Variants in DAPK1 observed in about 807,000 individuals in gnomAD.
The protein encoded by DAPK1 is death-associated protein kinase 1.
Under a neutral mutation model 144.9 loss-of-function variants are expected in DAPK1, and 56 were observed. That is an observed-to-expected ratio of 0.39 (90% confidence interval 0.31 to 0.48). DAPK1 has a LOEUF of 0.48. DAPK1 is among the 20% of genes least tolerant of loss of function. The probability of loss-of-function intolerance (pLI) is 0.95; values close to 1 mark genes in which losing one functional copy is unlikely to be tolerated. For synonymous variants in DAPK1, 690 were observed against 749.0 expected, an observed-to-expected ratio of 0.92 and a Z score of 1.29; for missense variants, 1,454 against 1,875.4, an observed-to-expected ratio of 0.78 and a Z score of 4.15.
In DAPK1 at chr9:87,706,446, G is replaced by A; in HGVS notation, c.3375G>A (p.Val1125=). The A allele has an allele frequency of 6.2e-7, 1 of 1,613,640 alleles. No homozygotes were observed. The highest frequency in any genetic ancestry group is 8.5e-7 in the Non-Finnish European group (1 of 1,179,544). The change falls in exon 26 of 26, where the codon GTG becomes GTA. Residue 1125 remains valine, a synonymous_variant. Transcript: ENST00000408954. The surrounding 1 kb of genome is among the most constrained non-coding windows in gnomAD (Gnocchi z 9.0). The part of the protein sequence containing the change: ...SWADEEDEVM[V]YGGVRIVPVE... ...CTGATGAGGAGGACGAGGTGATGGT[G>A]TATGGTGGCGTGCGCATCGTGCCCG...
chr9:87,660,628 G>A (rs187563528), intron 18 of DAPK1, among the ~76,000 whole-genome samples: 5 of 151,810 alleles, frequency 3.3e-5, no homozygotes, highest in Admixed American at 6.6e-5. Context: ...TCCTCCACGC[G>A]CTTCCCTCCC....
chr9:87,625,070 G>T (rs1829442969), intron 3 of DAPK1, among the ~76,000 whole-genome samples: 1 of 152,222 alleles, frequency 6.6e-6, no homozygotes, highest in South Asian at 2.1e-4. Flanking sequence ...TTCAAATGGT[G>T]GAAGAATGAA....
chr9:87,682,846 G>A (rs897184103), intron 20 of DAPK1, among the ~76,000 whole-genome samples: 12 of 152,086 alleles, frequency 7.9e-5, no homozygotes, highest in Non-Finnish European at 1.5e-4. Context: ...CGCACAGGTG[G>A]CAAATCCCAG....
intron 2 of DAPK1, among the ~76,000 whole-genome samples, chr9:87,518,099 G>GGTTT (rs763027342): frequency 9.5e-5 from 12 of 126,044 alleles, no homozygotes; most frequent in African/African-American, 3.8e-4. Context: ...TGCCGTTTAT[G>GGTTT]TTGTTGTTTT....
At chr9:87,518,800 A>G (rs1285548691) in intron 2 of DAPK1, among the ~76,000 whole-genome samples, 1 of 152,118 alleles carries the variant, frequency 6.6e-6, no homozygotes, top group Non-Finnish European at 1.5e-5. Context: ...GTGCCTGAAG[A>G]GTCTGGCCCG....
At chr9:87,524,131 T>C (rs1011282869) in intron 2 of DAPK1, among the ~76,000 whole-genome samples, 15 of 152,316 alleles carry the variant, frequency 9.8e-5, no homozygotes, top group African/African-American at 2.6e-4. Context: ...TGTGCCCCGA[T>C]AGAGGTTCTT....
intron 2 of DAPK1, among the ~76,000 whole-genome samples, chr9:87,532,596 A>G (rs1415555286): frequency 6.6e-6 from 1 of 152,136 alleles, no homozygotes; most frequent in African/African-American, 2.4e-5. Context: ...TCTTATTTTG[A>G]TAGCATTTTT....
chr9:87,527,407 C>T (rs1380565320), intron 2 of DAPK1, among the ~76,000 whole-genome samples: 1 of 152,214 alleles, frequency 6.6e-6, no homozygotes, highest in Non-Finnish European at 1.5e-5. Flanking sequence ...AACAGCAACT[C>T]CATGCCACGG....
chr9:87,623,603 T>C (rs2119053627), intron 3 of DAPK1, among the ~76,000 whole-genome samples: 1 of 152,210 alleles, frequency 6.6e-6, no homozygotes, highest in East Asian at 1.9e-4. Context: ...TTAGGAGACA[T>C]TGGGGACCGG....
At chr9:87,658,951 C>T (rs533785531) in intron 18 of DAPK1, among the ~76,000 whole-genome samples, 2 of 152,322 alleles carry the variant, frequency 1.3e-5, no homozygotes, top group South Asian at 2.1e-4. Context: ...CCATGGCCCA[C>T]GGGCCATATC....
Position 87,707,495 on chromosome 9 carries a change from C to G in DAPK1, c.*131C>G, listed in dbSNP as rs1825684839. 1 of 639,216 alleles carries G rather than the reference C, an allele frequency of 1.6e-6. No individual in the cohort carries two copies. Among genetic ancestry groups the G allele is most frequent in the African/African-American group, 1.8e-5 (1 of 54,622 alleles). The allele number at this position is 639,216 out of a possible 1,614,324, so 39.6% of individuals were successfully genotyped here. A position where few individuals can be genotyped will look rare whatever the true frequency, so the allele number is the denominator to read the frequency against. On this transcript the variant is annotated 3_prime_UTR_variant, in exon 26 of 26. Transcript: ENST00000408954. The surrounding 1 kb of genome is among the most constrained non-coding windows in gnomAD (Gnocchi z 4.0). Reference sequence around the variant, plus strand: ...ACAGCCAGGGGGATGCCACTCCTCCCTCCGGCTTGACCTGTTTCTCTGCCG... The same window carrying G: ...ACAGCCAGGGGGATGCCACTCCTCCGTCCGGCTTGACCTGTTTCTCTGCCG...
intron 3 of DAPK1, among the ~76,000 whole-genome samples, chr9:87,610,094 C>T (rs576413883): frequency 6.6e-6 from 1 of 152,316 alleles, no homozygotes; most frequent in South Asian, 2.1e-4. Flanking sequence ...GTTGTCAAAT[C>T]CCAGTCCAGG....
rs563822691 is a variant in DAPK1 at position 87,531,495 on chromosome 9, G to T, written c.62+32356G>T. Among the ~76,000 whole-genome samples the T allele has an allele frequency of 3.3e-5, 5 of 152,264 alleles. No individual in the cohort carries two copies. In the South Asian group the frequency reaches 6.2e-4, roughly 19 times the overall value. On this transcript the variant is annotated intron_variant, in intron 2 of 25. Transcript: ENST00000408954. ...GTAGGTGGTGAAGGGAGAAGTTGGG[G>T]GTAAGAGGGCATTCACTGCACAGCA...
intron 11 of DAPK1, among the ~76,000 whole-genome samples, chr9:87,644,262 C>G (rs1330664358): frequency 6.6e-6 from 1 of 152,036 alleles, no homozygotes; most frequent in Non-Finnish European, 1.5e-5. Context: ...TCTTCAGATA[C>G]GAGTGGAAGT....
intron 3 of DAPK1, among the ~76,000 whole-genome samples, chr9:87,623,090 T>A (rs1044371488): frequency 9.2e-5 from 14 of 152,120 alleles, no homozygotes; most frequent in Admixed American, 6.5e-5. Flanking sequence ...CACTAGGACT[T>A]GAAAGCACAA....
At chr9:87,701,720 A>AT (rs59185381) in intron 24 of DAPK1, 2,658 of 244,994 alleles carry the variant, frequency 0.011, 37 homozygotes, top group African/African-American at 0.045. Flanking sequence ...CTCTGGGTGT[A>AT]TTTTTTTTTT....
chr9:87,528,523 T>C (rs912136762), intron 2 of DAPK1, among the ~76,000 whole-genome samples: 2 of 152,108 alleles, frequency 1.3e-5, no homozygotes, highest in African/African-American at 4.8e-5. Flanking sequence ...CGGCCTACCA[T>C]GCACCTTTTC....
Position 87,499,065 on chromosome 9 carries a change from G to A in DAPK1, c.-13G>A, listed in dbSNP as rs1277208152. 1.2e-6 allele frequency: 2 copies of A among 1,613,922 alleles called. No homozygotes were observed. Among genetic ancestry groups the A allele is most frequent in the Non-Finnish European group, 1.7e-6 (2 of 1,179,824 alleles). Reference sequence around the variant, plus strand: ...GAAGTGCCCTGGGCTTTGGTGAGGCGTGACAGTTTATCATGACCGTGTTCA... The same window carrying A: ...GAAGTGCCCTGGGCTTTGGTGAGGCATGACAGTTTATCATGACCGTGTTCA... On this transcript the variant is annotated 5_prime_UTR_variant, in exon 2 of 26. It adds an upstream start codon to the 5' untranslated region. Transcript: ENST00000408954.
intron 2 of DAPK1, among the ~76,000 whole-genome samples, chr9:87,560,176 A>G (rs77988310): frequency 9.5e-5 from 14 of 147,826 alleles, no homozygotes; most frequent in Non-Finnish European, 1.9e-4. Flanking sequence ...TTTTTTTTTT[A>G]GTAGAGACGG....
Sources: allele counts gnomAD v4.1 joint callset (sites outside exome capture counted in the v4.1 genomes callset), GRCh38; gene constraint gnomAD v4.1.1; non-coding constraint Gnocchi (gnomAD v3.1); transcripts MANE v1.5; gene names NCBI Gene and HGNC (gene_info 2026-07-23, HGNC 2026-07-21).